NRXN3: variants seen among roughly 807,000 people sequenced by gnomAD.
NRXN3 encodes the protein neurexin 3.
Under a neutral mutation model 137.6 loss-of-function variants are expected in NRXN3, and 32 were observed. That is an observed-to-expected ratio of 0.23 (90% confidence interval 0.18 to 0.31). NRXN3 has a LOEUF of 0.31. Ranked by LOEUF, NRXN3 falls within the 10% of genes least tolerant of loss-of-function variation. NRXN3 has a pLI of 1.00. For synonymous variants in NRXN3, 798 were observed against 784.5 expected, an observed-to-expected ratio of 1.02 and a Z score of -0.29; for missense variants, 1,574 against 2,062.5, an observed-to-expected ratio of 0.76 and a Z score of 4.59.
chr14:79,225,855 A>G (rs1365052052), intron 15 of NRXN3, among the ~76,000 whole-genome samples: 3 of 152,074 alleles, frequency 2.0e-5, no homozygotes, highest in Non-Finnish European at 4.4e-5. Flanking sequence ...ACTGAGGGCC[A>G]TTGGCAGCTT....
chr14:79,198,251 A>G (rs999863798), intron 15 of NRXN3, among the ~76,000 whole-genome samples: 5 of 152,208 alleles, frequency 3.3e-5, no homozygotes, highest in Non-Finnish European at 7.3e-5. Flanking sequence ...CATATATTTA[A>G]AAGTTATTTT....
intron 4 of NRXN3, among the ~76,000 whole-genome samples, chr14:78,538,540 G>A (rs1468629015): frequency 6.6e-6 from 1 of 152,114 alleles, no homozygotes; most frequent in South Asian, 2.1e-4. Flanking sequence ...TTCTAAATAT[G>A]CAATCATGTC....
chr14:79,637,896 A>ATATTTTTATTTT (rs149993426), intron 16 of NRXN3, among the ~76,000 whole-genome samples: 47,790 of 148,454 alleles, frequency 0.32, 10,736 homozygotes, highest in African/African-American at 0.65. Flanking sequence ...TGCCTGGCTA[A>ATATTTTTATTTT]TATTTTTATT....
In NRXN3 at chr14:79,152,031, G is replaced by GT. The variant is rs993317090; in HGVS notation, c.3262+163897dup. 2.6e-5 allele frequency among the ~76,000 whole-genome samples: 4 copies of GT among 152,016 alleles called. 1 individual carries two copies. The South Asian group carries it at 8.3e-4, about 32-fold the overall frequency. ...AACAATTAGACATATTTCATCCCCA[G>GT]TTTTTTTCTACAGACACTTTTGCTT... is the stretch of plus-strand genomic sequence containing the variant. On this transcript the variant is annotated intron_variant, in intron 15 of 20. Coordinates refer to ENST00000335750, the MANE Select transcript of NRXN3 (RefSeq NM_001330195.2).
chr14:79,192,560 A>G (rs565668440), intron 15 of NRXN3, among the ~76,000 whole-genome samples: 2 of 152,266 alleles, frequency 1.3e-5, no homozygotes, highest in Non-Finnish European at 2.9e-5. Flanking sequence ...AGCACAGTGA[A>G]AAAACATTGA....
chr14:78,289,522 T>C (rs1246736612), intron 3 of NRXN3, among the ~76,000 whole-genome samples: 1 of 152,190 alleles, frequency 6.6e-6, no homozygotes. Flanking sequence ...CTCTTTTTTA[T>C]GGCATTTCTG....
At chr14:79,594,623 T>G (rs970588300) in intron 16 of NRXN3, among the ~76,000 whole-genome samples, 1 of 152,140 alleles carries the variant, frequency 6.6e-6, no homozygotes, top group African/African-American at 2.4e-5. Flanking sequence ...AACATCAATT[T>G]CTCATCACTT....
intron 10 of NRXN3, among the ~76,000 whole-genome samples, chr14:78,853,250 A>G (rs760434482): frequency 8.5e-5 from 13 of 152,094 alleles, no homozygotes; most frequent in African/African-American, 1.2e-4. Flanking sequence ...CCGGTGTGTG[A>G]TGTTCCCCTT....
At chr14:79,405,977 A>T (rs1414685099) in intron 15 of NRXN3, among the ~76,000 whole-genome samples, 1 of 152,186 alleles carries the variant, frequency 6.6e-6, no homozygotes, top group Non-Finnish European at 1.5e-5. Context: ...TACCTTCTAC[A>T]TTCTAGTAAA....
intron 17 of NRXN3, among the ~76,000 whole-genome samples, chr14:79,671,853 T>A (rs959746291): frequency 6.6e-6 from 1 of 151,918 alleles, no homozygotes; most frequent in African/African-American, 2.4e-5. Context: ...AAATTAAACA[T>A]AACCACCCAG....
chr14:79,052,190 G>A (rs570847846), intron 15 of NRXN3, among the ~76,000 whole-genome samples: 12 of 152,228 alleles, frequency 7.9e-5, no homozygotes, highest in Non-Finnish European at 1.3e-4. Context: ...GCCCTAAGAC[G>A]TTTCGAAGAG....
intron 4 of NRXN3, among the ~76,000 whole-genome samples, chr14:78,559,553 A>G (rs1282830766): frequency 6.6e-6 from 1 of 152,216 alleles, no homozygotes; most frequent in Non-Finnish European, 1.5e-5. Context: ...ATGCTTAATC[A>G]CACCAAATAC....
rs2098764111 is a variant in NRXN3, at chr14:78,780,232, TGCTGGAA to T, written c.2045-23387_2045-23381del. Among the ~76,000 whole-genome samples the T allele has an allele frequency of 2.6e-5, 4 of 152,170 alleles. No homozygotes were observed. In the South Asian group the frequency reaches 8.3e-4, roughly 31 times the overall value. On this transcript the variant is annotated intron_variant, in intron 8 of 20. Transcript: ENST00000335750. ...AATAAACAAACTAGTCAACCTATGA[TGCTGGAA>T]TAATTTCTTATCTATATGGGAAAAA...
intron 2 of NRXN3, among the ~76,000 whole-genome samples, chr14:78,248,461 C>T (rs534805437): frequency 6.6e-6 from 1 of 151,864 alleles, no homozygotes; most frequent in Admixed American, 6.6e-5. Flanking sequence ...ATGACTCTTG[C>T]CCCATCTCTC....
intron 16 of NRXN3, among the ~76,000 whole-genome samples, chr14:79,504,946 G>T (rs1437332048): frequency 6.6e-6 from 1 of 152,092 alleles, no homozygotes; most frequent in Non-Finnish European, 1.5e-5. Flanking sequence ...TGCGCTCAGT[G>T]GCTCACACTT....
chr14:79,779,641 C>T (rs1603484861), intron 19 of NRXN3, among the ~76,000 whole-genome samples: 2 of 152,246 alleles, frequency 1.3e-5, no homozygotes, highest in East Asian at 3.9e-4. Context: ...AGACCTATGT[C>T]ACTAGCTCCC....
At chr14:78,731,441 C>T (rs144330247) in intron 8 of NRXN3, among the ~76,000 whole-genome samples, 8 of 151,748 alleles carry the variant, frequency 5.3e-5, no homozygotes, top group Non-Finnish European at 8.8e-5. Context: ...ATTCTTTGGC[C>T]GACATTAACT....
At chr14:79,382,851 T>C (rs375057146) in intron 15 of NRXN3, among the ~76,000 whole-genome samples, 1 of 152,158 alleles carries the variant, frequency 6.6e-6, no homozygotes, top group Non-Finnish European at 1.5e-5. Flanking sequence ...ACGATTGACT[T>C]TCCTAATTCA....
intron 16 of NRXN3, among the ~76,000 whole-genome samples, chr14:79,558,559 C>CTTTTTTT (rs953058150): frequency 1.4e-5 from 2 of 140,342 alleles, no homozygotes; most frequent in African/African-American, 5.2e-5. Context: ...TTCTCTCTCT[C>CTTTTTTT]TTTTTTTTTT....
Sources: allele counts gnomAD v4.1 joint callset (sites outside exome capture counted in the v4.1 genomes callset), GRCh38; gene constraint gnomAD v4.1.1; transcripts MANE v1.5; gene names NCBI Gene and HGNC (gene_info 2026-07-23, HGNC 2026-07-21).